The following MTFR1 variants were observed in gnomAD, a reference collection of about 807,000 sequenced individuals.
The protein encoded by MTFR1 is mitochondrial fission regulator 1.
Under a neutral mutation model 38.8 loss-of-function variants are expected in MTFR1, and 28 were observed. The observed-to-expected ratio is 0.72, with a 90% CI of 0.53 to 0.99. The LOEUF is 0.99. MTFR1 is among the 50% of genes least tolerant of loss of function. MTFR1 has a pLI of 0.00. For missense variants in MTFR1, 358 were observed against 395.5 expected (o/e 0.91, Z 0.81); for synonymous variants, 145 against 137.0 (o/e 1.06, Z -0.41).
downstream of MTFR1, among the ~76,000 whole-genome samples, chr8:65,771,672 C>T (rs1444372511): frequency 3.3e-5 from 5 of 151,796 alleles, no homozygotes; most frequent in Admixed American, 3.3e-4. Flanking sequence ...GGTAAGAGTT[C>T]GAGACCAGCC....
Position 65,709,095 on chromosome 8 carries a change from G to T in MTFR1, c.*51G>T, listed in dbSNP as rs1262237721. ...CTGGTTCCCCTGTTGATTTGTGAGG[G>T]CCAAGTTTGCTAGTAGAAATCGACA... On this transcript the variant is annotated 3_prime_UTR_variant, in exon 8 of 8. Transcript: ENST00000262146. 2 of 1,534,350 alleles carry T rather than the reference G, an allele frequency of 1.3e-6. No individual in the cohort carries two copies. Among genetic ancestry groups the T allele is most frequent in the Non-Finnish European group, 1.8e-6 (2 of 1,108,000 alleles).
Position 65,709,189 on chromosome 8 carries a change from A to G in MTFR1, c.*145A>G. 1 of 726,466 alleles carries G rather than the reference A, an allele frequency of 1.4e-6. No individual in the cohort carries two copies. Among genetic ancestry groups the G allele is most frequent in the Admixed American group, 2.6e-5 (1 of 38,914 alleles). 45.0% of individuals were successfully genotyped at this position (726,466 alleles called of 1,614,324 possible). ...AGGCTAATTAGTGGATTAAGCAATA[A>G]TGAAAGCACTAAGTTTGGTTTTGCT... On this transcript the variant is annotated 3_prime_UTR_variant, in exon 8 of 8. Transcript: ENST00000262146.
chr8:65,667,225 A>G (rs999337781), intron 1 of MTFR1, among the ~76,000 whole-genome samples: 2 of 151,904 alleles, frequency 1.3e-5, no homozygotes, highest in Non-Finnish European at 2.9e-5. Context: ...GCAGTGAGCC[A>G]AGATTGCACC....
chr8:65,667,951 C>T (rs1435174758), intron 1 of MTFR1, among the ~76,000 whole-genome samples: 1 of 152,094 alleles, frequency 6.6e-6, no homozygotes, highest in Non-Finnish European at 1.5e-5. Context: ...TTCATTAGCG[C>T]CCAGCTCTTT....
chr8:65,648,055 A>G (rs547879142), intron 1 of MTFR1, among the ~76,000 whole-genome samples: 1 of 152,110 alleles, frequency 6.6e-6, no homozygotes, highest in Non-Finnish European at 1.5e-5. Context: ...TCTGTCACCC[A>G]GACTGGAGTG....
At chr8:65,662,571 G>A (rs1327267612) in intron 1 of MTFR1, among the ~76,000 whole-genome samples, 1 of 142,802 alleles carries the variant, frequency 7.0e-6, no homozygotes, top group Non-Finnish European at 1.6e-5. Context: ...CGTCTGGGAT[G>A]TGAGGAGCCT....
intron 1 of MTFR1, among the ~76,000 whole-genome samples, chr8:65,660,299 AAAAAAAAAAAGAC>A (rs1411981600): frequency 6.7e-6 from 1 of 148,250 alleles, no homozygotes. Flanking sequence ...CTCAAAAAAA[AAAAAAAAAAAGAC>A]AAAAAAAAAA....
chr8:65,731,063 G>A (rs527736793), intron 3 of MTFR1, among the ~76,000 whole-genome samples: 49 of 152,320 alleles, frequency 3.2e-4, no homozygotes, highest in Admixed American at 1.6e-3. Flanking sequence ...TGCTGTTTTA[G>A]GGGACAGGTA....
At chr8:65,753,584 T>C (rs1409282769) in intron 3 of MTFR1, among the ~76,000 whole-genome samples, 1 of 145,788 alleles carries the variant, frequency 6.9e-6, no homozygotes, top group Non-Finnish European at 1.5e-5. Flanking sequence ...GTCTATTCAA[T>C]GTGCACTCGA....
chr8:65,668,624 C>T (rs1455734154), intron 1 of MTFR1, among the ~76,000 whole-genome samples: 1 of 151,002 alleles, frequency 6.6e-6, no homozygotes, highest in Non-Finnish European at 1.5e-5. Flanking sequence ...AGCGATTCTC[C>T]TGCCCCAGCC....
intron 3 of MTFR1, among the ~76,000 whole-genome samples, chr8:65,752,112 C>G (rs962192991): frequency 9.2e-5 from 14 of 152,172 alleles, no homozygotes; most frequent in Admixed American, 6.5e-5. Context: ...AGATATCATC[C>G]TCTAATTTTC....
intron 3 of MTFR1, among the ~76,000 whole-genome samples, chr8:65,683,412 G>A (rs146412366): frequency 0.041 from 6,314 of 152,188 alleles, 193 homozygotes; most frequent in Non-Finnish European, 0.063. Flanking sequence ...TTACAGGTGT[G>A]AGCCACTGTG....
At chr8:65,745,100 G>A (rs1807614075) in intron 3 of MTFR1, among the ~76,000 whole-genome samples, 1 of 152,162 alleles carries the variant, frequency 6.6e-6, no homozygotes, top group Non-Finnish European at 1.5e-5. Context: ...TTCATAAGGG[G>A]TTTCCCCTTT....
intron 3 of MTFR1, among the ~76,000 whole-genome samples, chr8:65,754,701 T>C (rs1359899089): frequency 9.6e-5 from 14 of 146,376 alleles, no homozygotes; most frequent in Non-Finnish European, 2.0e-4. Context: ...GCACAGTGGC[T>C]CACGCCTGTA....
At chr8:65,677,505 C>A (rs1364306013) in intron 2 of MTFR1, among the ~76,000 whole-genome samples, 1 of 150,510 alleles carries the variant, frequency 6.6e-6, no homozygotes, top group Non-Finnish European at 1.5e-5. Flanking sequence ...GCCTTAGCCT[C>A]CTGAGTAGCT....
At chr8:65,644,939 T>C (rs1277856261) in intron 1 of MTFR1, among the ~76,000 whole-genome samples, 155 bp downstream of exon 1, 1 of 152,024 alleles carries the variant, frequency 6.6e-6, no homozygotes, top group Admixed American at 6.5e-5. Flanking sequence ...CCTGGGCCGG[T>C]TGAGTGTTTG....
rs1045718080 is a variant in MTFR1, at chr8:65,689,502, A to C, written c.166-4142A>C. The C allele has an allele frequency of 1.1e-5, 11 of 1,024,400 alleles. No homozygotes were observed. The East Asian group carries it at 5.5e-4, about 51-fold the overall frequency. The allele number at this position is 1,024,400 out of a possible 1,614,324, so 63.5% of individuals were successfully genotyped here. A position where few individuals can be genotyped will look rare whatever the true frequency, so the allele number is the denominator to read the frequency against. The stretch of plus-strand genomic sequence containing the variant: ...TATTATTGAATTTTTGCTCTGAATG[A>C]AATGTGATTTTGAAAAAAAATTTCT... On this transcript the variant is annotated intron_variant, in intron 3 of 7. Transcript: ENST00000262146.
chr8:65,667,374 T>C (rs1804413380), intron 1 of MTFR1, among the ~76,000 whole-genome samples: 1 of 151,930 alleles, frequency 6.6e-6, no homozygotes, highest in African/African-American at 2.4e-5. Context: ...TTTCAAAGGA[T>C]TAAAAAATAA....
rs62507605 is a variant in MTFR1 at position 65,660,750 on chromosome 8, A to T, written c.-80-9123A>T. Among the ~76,000 whole-genome samples, 344 of 152,344 alleles carry T rather than the reference A, an allele frequency of 2.3e-3. 4 individuals carry two copies. The highest frequency in any genetic ancestry group is 6.5e-4 in the Non-Finnish European group (44 of 68,042). ...CCTGACTAAATACACTGTTTAAGAA[A>T]GGAGTAAAACTTGCACTGAGATGTT... On this transcript the variant is annotated intron_variant, in intron 1 of 7. Coordinates refer to ENST00000262146, the MANE Select transcript of MTFR1 (RefSeq NM_014637.4).
Sources: allele counts gnomAD v4.1 joint callset (sites outside exome capture counted in the v4.1 genomes callset), GRCh38; gene constraint gnomAD v4.1.1; transcripts MANE v1.5; gene names NCBI Gene and HGNC (gene_info 2026-07-23, HGNC 2026-07-21).